Variants in MYO5C observed in about 807,000 individuals in gnomAD.
The protein encoded by MYO5C is myosin VC.
A neutral mutation model predicts 235.7 loss-of-function variants in MYO5C; 194 were observed. The ratio of observed to expected loss-of-function variants is 0.82; its 90% confidence interval spans 0.73 to 0.93. The LOEUF is 0.93. MYO5C is among the 40% of genes least tolerant of loss of function. MYO5C has a pLI of 0.00. For synonymous variants in MYO5C, 707 were observed against 754.8 expected (o/e 0.94, Z 1.04); for missense variants, 2,038 against 2,127.2 (o/e 0.96, Z 0.82).
chr15:52,192,406 T>C lies in MYO5C; in HGVS notation c.*1496A>G, dbSNP rs891788794. 2 of 152,178 alleles carry C rather than the reference T, an allele frequency of 1.3e-5. No individual in the cohort carries two copies. Among genetic ancestry groups the C allele is most frequent in the Admixed American group, 6.5e-5 (1 of 15,288 alleles). The allele number at this position is 152,178 out of a possible 1,614,324, so 9.4% of individuals were successfully genotyped here. A position where few individuals can be genotyped will look rare whatever the true frequency, so the allele number is the denominator to read the frequency against. Reference sequence around the variant, plus strand: ...TACAATGTATTGAAATGAACTAAACTCAATCACTTATAATATAAAAAGACA... The same window carrying C: ...TACAATGTATTGAAATGAACTAAACCCAATCACTTATAATATAAAAAGACA... On this transcript the variant is annotated 3_prime_UTR_variant, in exon 41 of 41. Coordinates refer to ENST00000261839, the MANE Select transcript of MYO5C (RefSeq NM_018728.4).
rs999922874 is a variant in MYO5C, at chr15:52,242,080, G to A, written c.2524C>T (p.Arg842Ter). 1.4e-5 allele frequency: 22 copies of A among 1,613,300 alleles called. No homozygotes were observed. The highest frequency in any genetic ancestry group is 6.7e-5 in the Admixed American group (4 of 59,922). ...MATITMQAYSRGFLARRRYRK... is the reference protein window; with the variant it reads ...MATITMQAYS Reference sequence around the variant, plus strand: ...TACCTCCTCCTTGCCAGGAATCCTCGGCTGTAGGCCTGCATTGTGATGGTG... The same window carrying A: ...TACCTCCTCCTTGCCAGGAATCCTCAGCTGTAGGCCTGCATTGTGATGGTG... The change falls in exon 20 of 41, where the codon CGA becomes TGA. Residue 842 changes from arginine to a stop codon, truncating the protein, a stop_gained. Coordinates refer to ENST00000261839, the MANE Select transcript of MYO5C (RefSeq NM_018728.4). LOFTEE classifies it high-confidence loss of function.
intron 38 of MYO5C, among the ~76,000 whole-genome samples, chr15:52,204,149 A>G (rs2035248587): frequency 6.6e-6 from 1 of 152,096 alleles, no homozygotes; most frequent in African/African-American, 2.4e-5. Flanking sequence ...CTAGATTCCC[A>G]AGTCTTCAGG....
intron 1 of MYO5C, among the ~76,000 whole-genome samples, chr15:52,292,704 G>A (rs2037416981): frequency 6.6e-6 from 1 of 152,234 alleles, no homozygotes; most frequent in South Asian, 2.1e-4. Context: ...TTGGTCAATA[G>A]TGGAGACACA....
Position 52,247,468 on chromosome 15 carries a change from A to G in MYO5C, c.1871T>C (p.Val624Ala). Residue 624 changes from valine (V) to alanine (A), a missense_variant, in exon 15 of 41, where the codon GTT becomes GCT. Physicochemically the swap from Val to Ala is moderately conservative, Grantham distance 64 (BLOSUM62 0). Coordinates refer to ENST00000261839, the MANE Select transcript of MYO5C (RefSeq NM_018728.4). ...KPNSKHFRTT[V>A]GSKFRSSLYL... Reference sequence around the variant, plus strand: ...ACACCTTCTCAGTACCTTGCTCCCAACTGTGGTCCGGAAATGCTTGCTGTT... The same window carrying G: ...ACACCTTCTCAGTACCTTGCTCCCAGCTGTGGTCCGGAAATGCTTGCTGTT... 2 of 1,613,966 alleles carry G rather than the reference A, an allele frequency of 1.2e-6. No homozygotes were observed. Among genetic ancestry groups the G allele is most frequent in the Non-Finnish European group, 1.7e-6 (2 of 1,179,958 alleles).
chr15:52,231,976 G>T (rs113253905), intron 24 of MYO5C, among the ~76,000 whole-genome samples: 8 of 152,066 alleles, frequency 5.3e-5, no homozygotes, highest in African/African-American at 1.9e-4. Flanking sequence ...AACTAACAAG[G>T]ACAATAGGTG....
chr15:52,280,885 G>A (rs1006945438), intron 2 of MYO5C, among the ~76,000 whole-genome samples: 1 of 152,184 alleles, frequency 6.6e-6, no homozygotes, highest in Non-Finnish European at 1.5e-5. Context: ...GTGCTTCCTT[G>A]TCCATGGCGG....
intron 1 of MYO5C, among the ~76,000 whole-genome samples, chr15:52,288,887 T>C (rs1389464271): frequency 6.6e-6 from 1 of 152,132 alleles, no homozygotes; most frequent in Non-Finnish European, 1.5e-5. Flanking sequence ...CTGAACCTTA[T>C]GAGCTCAAGA....
chr15:52,295,489 C>T, intron 1 of MYO5C, 121 bp downstream of exon 1: 1 of 1,206,828 alleles, frequency 8.3e-7, no homozygotes, highest in Non-Finnish European at 1.1e-6. Flanking sequence ...AGCGCGCGCC[C>T]GCCCGCCCTG....
At chr15:52,217,878 G>A (rs766825403) in intron 32 of MYO5C, among the ~76,000 whole-genome samples, 114 of 152,108 alleles carry the variant, frequency 7.5e-4, no homozygotes, top group Non-Finnish European at 2.8e-4. Flanking sequence ...AGGTTTCGAA[G>A]GGGCCCGAGA....
chr15:52,258,921 C>G (rs1253075914), intron 10 of MYO5C, among the ~76,000 whole-genome samples: 1 of 152,192 alleles, frequency 6.6e-6, no homozygotes, highest in Admixed American at 6.5e-5. Flanking sequence ...GCTCACTACT[C>G]CTTGCACATG....
intron 11 of MYO5C, among the ~76,000 whole-genome samples, chr15:52,256,103 C>G (rs1195522982): frequency 2.0e-5 from 3 of 152,162 alleles, no homozygotes; most frequent in African/African-American, 7.2e-5. Flanking sequence ...CTCCAGGTGA[C>G]CAAGTCTATT....
chr15:52,235,865 T>C (rs1008407290), intron 22 of MYO5C, 102 bp from the exon 23 acceptor site: 7 of 725,688 alleles, frequency 9.6e-6, no homozygotes, highest in Non-Finnish European at 1.3e-5. Context: ...TAAATTAGTT[T>C]ATTTTTTCTC....
At chr15:52,249,193 G>A (rs956817320) in intron 13 of MYO5C, among the ~76,000 whole-genome samples, 8 of 152,168 alleles carry the variant, frequency 5.3e-5, no homozygotes, top group Admixed American at 3.9e-4. Flanking sequence ...CATTAATGTG[G>A]TAGAAAGGAT....
intron 24 of MYO5C, among the ~76,000 whole-genome samples, chr15:52,229,923 AC>A (rs930802301): frequency 6.6e-6 from 1 of 151,700 alleles, no homozygotes; most frequent in Non-Finnish European, 1.5e-5. Context: ...TGTATTCCCA[AC>A]CCCCCGGGTT....
intron 16 of MYO5C, among the ~76,000 whole-genome samples, chr15:52,246,655 A>C (rs1485360771): frequency 6.6e-6 from 1 of 152,192 alleles, no homozygotes; most frequent in African/African-American, 2.4e-5. Flanking sequence ...TTCTTCTTTT[A>C]ATCAAGTAAA....
At chr15:52,221,069 G>T in intron 30 of MYO5C, 93 bp downstream of exon 30, 1 of 978,418 alleles carries the variant, frequency 1.0e-6, no homozygotes, top group Non-Finnish European at 1.5e-6. Context: ...GAGAACCAGA[G>T]TTTAAAAGCC....
chr15:52,281,363 G>A (rs2037158959), intron 2 of MYO5C, among the ~76,000 whole-genome samples: 1 of 152,240 alleles, frequency 6.6e-6, no homozygotes, highest in South Asian at 2.1e-4. Context: ...CTGCAGCCGG[G>A]TCAAGGCCGG....
At chr15:52,231,688 G>A (rs2035954353) in intron 24 of MYO5C, among the ~76,000 whole-genome samples, 1 of 152,084 alleles carries the variant, frequency 6.6e-6, no homozygotes, top group African/African-American at 2.4e-5. Flanking sequence ...GGGAAGTTTT[G>A]TATCCTACCA....
At chr15:52,225,028 T>C (rs1436003095) in intron 27 of MYO5C, 47 bp from the exon 28 acceptor site, 23 of 1,612,744 alleles carry the variant, frequency 1.4e-5, no homozygotes, top group Non-Finnish European at 1.9e-5. Context: ...TGTCACGTTT[T>C]ACATGTTTAC....
Sources: gnomAD v4.1 joint callset for allele counts (sites outside exome capture counted in the v4.1 genomes callset) on GRCh38, gnomAD v4.1.1 for gene constraint, MANE v1.5 for transcripts, NCBI Gene and HGNC (gene_info 2026-07-23, HGNC 2026-07-21) for gene names.